Variants in BCLAF3 observed in about 807,000 individuals in gnomAD.
BCLAF3 encodes the protein BCLAF1 and THRAP3 family member 3, also known as transient octamer binding factor 1.
BCLAF3 carries 24 observed loss-of-function variants against 51.2 expected under a neutral mutation model. That is an observed-to-expected ratio of 0.47 (90% CI 0.34 to 0.66). The LOEUF is 0.66. Among genes scored for constraint, BCLAF3 ranks in the 30% least tolerant of loss-of-function variants. BCLAF3 has a pLI of 0.01. For synonymous variants in BCLAF3, 152 were observed against 176.6 expected, an observed-to-expected ratio of 0.86 and a Z score of 1.10; for missense variants, 465 against 525.1, an observed-to-expected ratio of 0.89 and a Z score of 1.12.
At chrX:19,956,467 G>A (rs756903102) in intron 4 of BCLAF3, among the ~76,000 whole-genome samples, 3 of 111,761 alleles carry the variant, frequency 2.7e-5, no homozygotes, top group South Asian at 7.5e-4. Context: ...TCACATCCCA[G>A]AGATTGAGCA....
At chrX:19,951,694 G>A (rs755816704) in intron 7 of BCLAF3, among the ~76,000 whole-genome samples, 3 of 108,822 alleles carry the variant, frequency 2.8e-5, no homozygotes, top group Admixed American at 9.8e-5. Flanking sequence ...TTGGGAGGCC[G>A]AGGTGGGTGG....
intron 8 of BCLAF3, among the ~76,000 whole-genome samples, 183 bp from the exon 9 acceptor site, chrX:19,937,715 C>T (rs1212321421): frequency 8.9e-6 from 1 of 112,362 alleles, no homozygotes; most frequent in East Asian, 2.8e-4. Context: ...CCCTCATTTT[C>T]CAACAAATGT....
intron 11 of BCLAF3, among the ~76,000 whole-genome samples, chrX:19,920,414 A>T (rs2070105558): frequency 9.0e-6 from 1 of 111,494 alleles, no homozygotes. Context: ...TTGTTCACTA[A>T]CATTTTAGAG....
intron 1 of BCLAF3, among the ~76,000 whole-genome samples, chrX:19,972,092 A>G (rs1347596233): frequency 8.9e-6 from 1 of 112,546 alleles, no homozygotes; most frequent in Non-Finnish European, 1.9e-5. Context: ...TCTTTCTAAA[A>G]AGATTTTGAG....
At chrX:19,923,021 C>G (rs898029867) in intron 11 of BCLAF3, 4 of 111,611 alleles carry the variant, frequency 3.6e-5, no homozygotes, top group African/African-American at 1.3e-4. Flanking sequence ...TATTAGTTAT[C>G]GAGTTCCTGT....
At chrX:19,977,297 C>G (rs1834553953) in intron 1 of BCLAF3, among the ~76,000 whole-genome samples, 1 of 112,194 alleles carries the variant, frequency 8.9e-6, no homozygotes, top group Non-Finnish European at 1.9e-5. Context: ...TGAGAAAGGC[C>G]AAAAACTAGG....
At chrX:19,982,418 G>A (rs1439821972) in intron 1 of BCLAF3, among the ~76,000 whole-genome samples, 1 of 111,318 alleles carries the variant, frequency 9.0e-6, no homozygotes, top group Non-Finnish European at 1.9e-5. Flanking sequence ...GACCATCATG[G>A]ATTATTATCT....
rs771998295 is a variant in BCLAF3, at chrX:19,929,858, T to C, written c.2033A>G (p.Gln678Arg). 1.7e-6 allele frequency: 2 copies of C among 1,211,145 alleles called. No individual in the cohort carries two copies. The highest frequency in any genetic ancestry group is 2.2e-6 in the Non-Finnish European group (2 of 894,899). ...CCTTGGGCCAGTGAACCGTAAACGC[T>C]GATACTTAGCCTGAATGTACAAGCT... Reference protein sequence around the residue: ...QKSLYIQAKYQRLRFTGPRGF... With the variant: ...QKSLYIQAKYRRLRFTGPRGF... The change falls in exon 11 of 12, where the codon CAG (glutamine) becomes CGG (arginine). Residue 678 changes from glutamine (Q) to arginine (R), a missense_variant. Gln to Arg is a conservative substitution (Grantham distance 43). Coordinates refer to ENST00000379682, the MANE Select transcript of BCLAF3 (RefSeq NM_001367774.2).
intron 11 of BCLAF3, among the ~76,000 whole-genome samples, chrX:19,921,156 T>G (rs2070143490): frequency 8.9e-6 from 1 of 111,770 alleles, no homozygotes; most frequent in South Asian, 3.8e-4. Context: ...TCTCTTTTCT[T>G]GTAGGCAATA....
In BCLAF3 at chrX:19,929,737, G is replaced by C. The variant is rs1251242991; in HGVS notation, c.2106+48C>G. The C allele has an allele frequency of 3.7e-6, 4 of 1,094,190 alleles. No individual in the cohort carries two copies. The African/African-American group carries it at 7.5e-5, about 20-fold the overall frequency. 90.2% of individuals were successfully genotyped at this position (1,094,190 alleles called of 1,213,427 possible). A position where few individuals can be genotyped will look rare whatever the true frequency, so the allele number is the denominator to read the frequency against. On this transcript the variant is annotated intron_variant, in intron 11 of 11. Coordinates refer to ENST00000379682, the MANE Select transcript of BCLAF3 (RefSeq NM_001367774.2). ...TATCTAATGAACATAGATAATCTAG[G>C]AGTTTAAAAGTCACTAAACATTTTT...
intron 2 of BCLAF3, among the ~76,000 whole-genome samples, chrX:19,969,612 G>C (rs1337977922): frequency 1.8e-5 from 2 of 111,944 alleles, no homozygotes; most frequent in Non-Finnish European, 3.8e-5. Flanking sequence ...AAGTAGCACA[G>C]CATTTTCCCC....
At position 19,920,438 on chromosome X, in the gene BCLAF3, G is replaced by A. The variant is rs1242938086; in HGVS notation, c.2107-3104C>T. On this transcript the variant is annotated intron_variant, in intron 11 of 11. Transcript: ENST00000379682. ...AACATTTTAGAGCATATGGATGGAT[G>A]TGTGTGTGTGTGTGCATGAATAAAT... Among the ~76,000 whole-genome samples the A allele has an allele frequency of 3.6e-5, 4 of 110,681 alleles. No homozygotes were observed. The South Asian group carries it at 1.1e-3, about 31-fold the overall frequency.
chrX:19,966,412 A>G lies in BCLAF3; in HGVS notation c.279T>C (p.Tyr93=). The change falls in exon 3 of 12, where the codon TAT becomes TAC. Residue 93 remains tyrosine (Y), a synonymous_variant. Coordinates refer to ENST00000379682, the MANE Select transcript of BCLAF3 (RefSeq NM_001367774.2). The part of the protein sequence containing the change: ...IRNSLENVYM[Y]KPHRGYSPGR... The stretch of plus-strand genomic sequence containing the variant: ...CAGGCGAATATCCTCTGTGAGGCTT[A>G]TACATATAAACATTTTCTAAAGAGT... 13 of 1,211,675 alleles carry G rather than the reference A, an allele frequency of 1.1e-5. No individual in the cohort carries two copies. The highest frequency in any genetic ancestry group is 1.3e-5 in the Non-Finnish European group (12 of 895,444).
Position 19,942,072 on chromosome X carries a change from T to C in BCLAF3, c.1746-4540A>G, listed in dbSNP as rs184427763. 5.0e-5 allele frequency among the ~76,000 whole-genome samples: 4 copies of C among 80,122 alleles called. No individual in the cohort carries two copies. The East Asian group carries it at 1.4e-3, about 29-fold the overall frequency. The allele number at this position is 80,122 out of a possible 115,157, so 69.6% of individuals were successfully genotyped here. The stretch of plus-strand genomic sequence containing the variant: ...GTTCACTCATGATTTGGCTCTCTGT[T>C]TGTATGTTGCTGGTGTATAAGAATG... On this transcript the variant is annotated intron_variant, in intron 8 of 11. Coordinates refer to ENST00000379682, the MANE Select transcript of BCLAF3 (RefSeq NM_001367774.2).
chrX:19,982,549 TCACACA>T (rs60433883), intron 1 of BCLAF3, among the ~76,000 whole-genome samples: 25,224 of 96,918 alleles, frequency 0.26, 5,040 homozygotes, highest in African/African-American at 0.66. Context: ...AGATGCAATT[TCACACA>T]CACACACACA....
At chrX:19,968,779 T>C (rs2072149588) in intron 2 of BCLAF3, among the ~76,000 whole-genome samples, 1 of 112,519 alleles carries the variant, frequency 8.9e-6, no homozygotes, top group South Asian at 3.7e-4. Flanking sequence ...CTTGGCAGGG[T>C]CTCTTGTGCC....
At chrX:19,968,281 G>A (rs1348372470) in intron 2 of BCLAF3, among the ~76,000 whole-genome samples, 1 of 112,601 alleles carries the variant, frequency 8.9e-6, no homozygotes, top group Non-Finnish European at 1.9e-5. Context: ...AGTTCTGCAC[G>A]CCTTGCGAGC....
At chrX:19,953,737 C>A in intron 6 of BCLAF3, 41 bp downstream of exon 6, 1 of 1,059,140 alleles carries the variant, frequency 9.4e-7, no homozygotes, top group South Asian at 2.1e-5. Context: ...GAGGTATATC[C>A]CCATTAGTTA....
At chrX:19,929,089 A>T (rs2070457017) in intron 11 of BCLAF3, 1 of 112,015 alleles carries the variant, frequency 8.9e-6, no homozygotes, top group African/African-American at 3.2e-5. Flanking sequence ...ATACAAAAAA[A>T]TAAGTATGTG....
Sources: gnomAD v4.1 joint callset for allele counts (sites outside exome capture counted in the v4.1 genomes callset) on GRCh38, gnomAD v4.1.1 for gene constraint, MANE v1.5 for transcripts, NCBI Gene and HGNC (gene_info 2026-07-23, HGNC 2026-07-21) for gene names.